The following UBA3 variants were observed in gnomAD, a reference collection of about 807,000 sequenced individuals.
UBA3 encodes the protein NEDD8-activating enzyme E1 catalytic subunit.
Under a neutral mutation model 73.5 loss-of-function variants are expected in UBA3, and 26 were observed. The ratio of observed to expected loss-of-function variants is 0.35; its 90% confidence interval spans 0.26 to 0.49. UBA3 has a LOEUF of 0.49. UBA3 is among the 20% of genes least tolerant of loss of function. UBA3 has a pLI of 0.98. For synonymous variants in UBA3, 217 were observed against 191.2 expected (o/e 1.13, Z -1.11); for missense variants, 495 against 555.6 (o/e 0.89, Z 1.10).
chr3:69,080,020 C>G (rs1336224802), intron 2 of UBA3, 92 bp downstream of exon 2: 1 of 1,238,110 alleles, frequency 8.1e-7, no homozygotes, highest in Non-Finnish European at 1.1e-6. Context: ...CCCCTCCCAG[C>G]CCCCCGGGCC....
chr3:69,069,715 A>T (rs2092105947), intron 5 of UBA3, among the ~76,000 whole-genome samples: 1 of 152,226 alleles, frequency 6.6e-6, no homozygotes, highest in African/African-American at 2.4e-5. Flanking sequence ...TAACTTACAT[A>T]AAAAAGGCCC....
chr3:69,074,782 T>C (rs2092151077), intron 4 of UBA3, among the ~76,000 whole-genome samples: 1 of 152,212 alleles, frequency 6.6e-6, no homozygotes, highest in South Asian at 2.1e-4. Context: ...AATCAAATTA[T>C]ATACTTAATT....
chr3:69,059,366 G>T (rs146451783), intron 11 of UBA3, among the ~76,000 whole-genome samples: 11 of 152,272 alleles, frequency 7.2e-5, no homozygotes, highest in African/African-American at 2.4e-4. Flanking sequence ...CTGGGGCAAG[G>T]ATGTAAGATA....
Position 69,055,904 on chromosome 3 carries a change from G to A in UBA3, c.1250C>T (p.Ser417Leu), listed in dbSNP as rs1030790749. 4 of 1,611,440 alleles carry A rather than the reference G, an allele frequency of 2.5e-6. No homozygotes were observed. The highest frequency in any genetic ancestry group is 2.5e-6 in the Non-Finnish European group (3 of 1,178,968). The stretch of plus-strand genomic sequence containing the variant: ...TGTTCGTTCTTCAATAGAGGTTACC[G>A]ACTAGAAAACAAAATTACTTTAATG... ...EGKNRTLYLQ[S>L]VTSIEERTRP... The change falls in exon 17 of 18, where the codon TCG becomes TTG. Residue 417 changes from serine to leucine, a missense_variant and splice_region_variant. By Grantham distance (145) the Ser-to-Leu change is moderately radical. Coordinates refer to ENST00000361055, the MANE Select transcript of UBA3 (RefSeq NM_003968.4).
At chr3:69,075,263 T>C in intron 4 of UBA3, 167 bp downstream of exon 4, 1 of 261,108 alleles carries the variant, frequency 3.8e-6, no homozygotes, top group Non-Finnish European at 7.2e-6. Context: ...AGTTCCAAAG[T>C]TCTACCATTT....
At chr3:69,066,958 C>T (rs1337817871) in intron 6 of UBA3, among the ~76,000 whole-genome samples, 1 of 152,136 alleles carries the variant, frequency 6.6e-6, no homozygotes, top group Non-Finnish European at 1.5e-5. Flanking sequence ...CTATATATCC[C>T]TCTGGTAACG....
chr3:69,072,497 T>C (rs1328594885), intron 4 of UBA3, among the ~76,000 whole-genome samples: 4 of 152,250 alleles, frequency 2.6e-5, no homozygotes, highest in Non-Finnish European at 5.9e-5. Flanking sequence ...TCAATCTATC[T>C]GACCTTACCT....
At chr3:69,057,929 T>TC (rs1221060581) in intron 11 of UBA3, among the ~76,000 whole-genome samples, 6 of 145,230 alleles carry the variant, frequency 4.1e-5, no homozygotes, top group Non-Finnish European at 9.1e-5. Flanking sequence ...TTTTTCTTTT[T>TC]TTTTTTTTTT....
chr3:69,080,196 C>A, intron 1 of UBA3, 43 bp from the exon 2 acceptor site: 1 of 1,315,126 alleles, frequency 7.6e-7, no homozygotes, highest in East Asian at 2.7e-5. Flanking sequence ...GCGCTACACA[C>A]TGGGCGCCGC....
chr3:69,061,841 TA>T lies in UBA3; in HGVS notation c.882del (p.Arg295GlyfsTer11). ...KSLERASQYN[I>X]RGVTYRLTQG... ...TGAGTGAGCCTATACGTAACACCCC[TA>T]ATATTATATTGTGATGCTCTCTCTA... On this transcript the variant is annotated frameshift_variant, in exon 11 of 18. Transcript: ENST00000361055. LOFTEE classifies it high-confidence loss of function. 1 of 1,608,662 alleles carries T rather than the reference TA, an allele frequency of 6.2e-7. No individual in the cohort carries two copies. Among genetic ancestry groups the T allele is most frequent in the Non-Finnish European group, 8.5e-7 (1 of 1,177,776 alleles).
At chr3:69,072,653 C>T (rs983031659) in intron 4 of UBA3, among the ~76,000 whole-genome samples, 1 of 152,178 alleles carries the variant, frequency 6.6e-6, no homozygotes, top group Non-Finnish European at 1.5e-5. Context: ...GGCCAGAATT[C>T]GGAGTAGCCT....
Position 69,059,836 on chromosome 3 carries a change from T to A in UBA3, c.910+1978A>T, listed in dbSNP as rs139033283. Among the ~76,000 whole-genome samples, 752 of 152,230 alleles carry A rather than the reference T, an allele frequency of 4.9e-3. 19 individuals are homozygous for A. Among genetic ancestry groups the A allele is most frequent in the Admixed American group, 0.045 (688 of 15,286 alleles). On this transcript the variant is annotated intron_variant, in intron 11 of 17. Coordinates refer to ENST00000361055, the MANE Select transcript of UBA3 (RefSeq NM_003968.4). Reference sequence around the variant, plus strand: ...CTAAAAAAGGAAACTATAACTAGATTGGAAACATTGATCACTATGATTGAG... The same window carrying A: ...CTAAAAAAGGAAACTATAACTAGATAGGAAACATTGATCACTATGATTGAG...
Position 69,063,038 on chromosome 3 carries a change from T to A in UBA3, c.637A>T (p.Ile213Phe). The change falls in exon 9 of 18, where the codon ATT becomes TTT. Residue 213 changes from isoleucine to phenylalanine, a missense_variant. Coordinates refer to ENST00000361055, the MANE Select transcript of UBA3 (RefSeq NM_003968.4). Reference sequence around the variant, plus strand: ...ATACAAGCAGTCATTCCAGGCAGAATCACCCGGGCATTTCCTTTAAAACCT... The same window carrying A: ...ATACAAGCAGTCATTCCAGGCAGAAACACCCGGGCATTTCCTTTAAAACCT... ...TEGFKGNARV[I>F]LPGMTACIEC... 1 of 1,614,084 alleles carries A rather than the reference T, an allele frequency of 6.2e-7. No individual in the cohort carries two copies. The highest frequency in any genetic ancestry group is 1.6e-4 in the Middle Eastern group (1 of 6,062).
intron 11 of UBA3, 183 bp downstream of exon 11, chr3:69,061,627 CTAAG>C (rs886138835): frequency 2.1e-4 from 101 of 483,068 alleles, no homozygotes; most frequent in Admixed American, 8.9e-4. Context: ...GACTTATAGC[CTAAG>C]TAAGTAAGAT....
At chr3:69,064,944 T>A (rs565142288) in intron 6 of UBA3, among the ~76,000 whole-genome samples, 1 of 152,250 alleles carries the variant, frequency 6.6e-6, no homozygotes, top group South Asian at 2.1e-4. Context: ...AAAGGGACAA[T>A]ACATGCTTCC....
chr3:69,080,296 A>G, intron 1 of UBA3, 38 bp downstream of exon 1: 2 of 1,602,964 alleles, frequency 1.2e-6, no homozygotes, highest in Non-Finnish European at 1.7e-6. Flanking sequence ...CTCACAACCC[A>G]GCCCAGCCCG....
intron 4 of UBA3, among the ~76,000 whole-genome samples, chr3:69,073,212 T>C (rs955935122): frequency 5.1e-4 from 78 of 152,182 alleles, no homozygotes; most frequent in Non-Finnish European, 1.1e-3. Context: ...CTCCAAAGTC[T>C]TTTGTGATAT....
rs372032347 is a variant in UBA3 at position 69,055,884 on chromosome 3, G to T, written c.1270C>A (p.Arg424=). ...GTTTTGGAGAGATTTGGCCTTGTTC[G>T]TTCTTCAATAGAGGTTACCGACTAG... ...YLQSVTSIEE[R]TRPNLSKTLK... The change falls in exon 17 of 18, where the codon CGA becomes AGA. Residue 424 remains arginine (R), a synonymous_variant. Coordinates refer to ENST00000361055, the MANE Select transcript of UBA3 (RefSeq NM_003968.4). 6.2e-7 allele frequency: 1 copy of T among 1,612,620 alleles called. No individual in the cohort carries two copies.
intron 3 of UBA3, chr3:69,076,573 T>A (rs961361403): frequency 6.6e-6 from 1 of 151,810 alleles, no homozygotes; most frequent in Non-Finnish European, 1.5e-5. Context: ...AGCTGCTTTT[T>A]TTTTTCCTTT....
Sources: allele counts gnomAD v4.1 joint callset (sites outside exome capture counted in the v4.1 genomes callset), GRCh38; gene constraint gnomAD v4.1.1; transcripts MANE v1.5; gene names NCBI Gene and HGNC (gene_info 2026-07-23, HGNC 2026-07-21).